ITGBL1: variants seen among roughly 807,000 people sequenced by gnomAD.
ITGBL1 encodes integrin beta-like protein 1.
Under a neutral mutation model 68.5 loss-of-function variants are expected in ITGBL1, and 51 were observed. The observed-to-expected ratio is 0.74, with a 90% CI of 0.59 to 0.94. The LOEUF is 0.94. Ranked by LOEUF, ITGBL1 falls within the 40% of genes least tolerant of loss-of-function variation. The probability of loss-of-function intolerance (pLI) is 0.00; values close to 1 mark genes in which losing one functional copy is unlikely to be tolerated. For missense variants in ITGBL1, 649 were observed against 647.4 expected, an observed-to-expected ratio of 1.00 and a Z score of -0.03; for synonymous variants, 209 against 227.3, an observed-to-expected ratio of 0.92 and a Z score of 0.72.
intron 7 of ITGBL1, among the ~76,000 whole-genome samples, chr13:101,678,581 C>A (rs1219124207): frequency 6.6e-6 from 1 of 150,588 alleles, no homozygotes. Flanking sequence ...CTCACTGCAA[C>A]CTCTGCCTCC....
intron 7 of ITGBL1, among the ~76,000 whole-genome samples, chr13:101,684,103 G>A (rs1310629109): frequency 6.6e-6 from 1 of 151,822 alleles, no homozygotes; most frequent in African/African-American, 2.4e-5. Flanking sequence ...ACTTACTCCA[G>A]CACCATTTAT....
intron 4 of ITGBL1, among the ~76,000 whole-genome samples, chr13:101,576,074 G>A (rs779341605): frequency 5.3e-5 from 8 of 152,102 alleles, no homozygotes; most frequent in Non-Finnish European, 1.2e-4. Flanking sequence ...AGCAGTTCTT[G>A]CATGTTTGCT....
rs78238191 is a variant in ITGBL1, at chr13:101,523,947, G to A, written c.317-43752G>A. 9.2e-3 allele frequency among the ~76,000 whole-genome samples: 1,403 copies of A among 152,182 alleles called. 9 individuals carry two copies. Among genetic ancestry groups the A allele is most frequent in the Middle Eastern group, 0.037 (11 of 294 alleles). ...CTTCACTCACTGCTCCTCAGACCAC[G>A]TCTGTTTTTGTAGAGGCAAAATGAG... is the stretch of plus-strand genomic sequence containing the variant. On this transcript the variant is annotated intron_variant, in intron 2 of 10. Coordinates refer to ENST00000376180, the MANE Select transcript of ITGBL1 (RefSeq NM_004791.3).
At chr13:101,633,684 C>T (rs541936727) in intron 7 of ITGBL1, among the ~76,000 whole-genome samples, 29 of 152,186 alleles carry the variant, frequency 1.9e-4, no homozygotes, top group Non-Finnish European at 3.5e-4. Context: ...AAGAAAAATA[C>T]GTGAAGAGTT....
At chr13:101,619,208 T>C (rs1208695185) in intron 7 of ITGBL1, among the ~76,000 whole-genome samples, 2 of 152,028 alleles carry the variant, frequency 1.3e-5, no homozygotes, top group African/African-American at 2.4e-5. Flanking sequence ...TTGTGGTAGG[T>C]AGAATACTGC....
At chr13:101,601,629 T>A (rs190495560) in intron 7 of ITGBL1, among the ~76,000 whole-genome samples, 10 of 152,328 alleles carry the variant, frequency 6.6e-5, no homozygotes, top group African/African-American at 9.6e-5. Flanking sequence ...GATTCTGGTA[T>A]GTTGTGTCTT....
At chr13:101,507,173 T>C (rs16958977) in intron 2 of ITGBL1, among the ~76,000 whole-genome samples, 2,220 of 152,262 alleles carry the variant, frequency 0.015, 61 homozygotes, top group African/African-American at 0.05. Flanking sequence ...TTCAGGAAGA[T>C]AGTGGTTCCT....
In ITGBL1 at chr13:101,703,175, A is replaced by T. The variant is rs563965881; in HGVS notation, c.1133-3581A>T. 1.4e-3 allele frequency among the ~76,000 whole-genome samples: 67 copies of T among 46,856 alleles called. No homozygotes were observed. The East Asian group carries it at 0.024, about 17-fold the overall frequency. The allele number at this position is 46,856 out of a possible 152,430, so 30.7% of individuals were successfully genotyped here. A position where few individuals can be genotyped will look rare whatever the true frequency, so the allele number is the denominator to read the frequency against. On this transcript the variant is annotated intron_variant, in intron 8 of 10. Transcript: ENST00000376180. ...AAGTCAAAAAAGTTCCACAGGAGGT[A>T]AAAAAAAAAAAATAAGGTATTACAG...
chr13:101,589,546 A>C (rs1015553962), intron 6 of ITGBL1, among the ~76,000 whole-genome samples: 3 of 152,202 alleles, frequency 2.0e-5, no homozygotes, highest in African/African-American at 4.8e-5. Context: ...CATAGAAGAC[A>C]TATCAGTGGA....
At chr13:101,627,556 C>T (rs2031828844) in intron 7 of ITGBL1, among the ~76,000 whole-genome samples, 1 of 152,056 alleles carries the variant, frequency 6.6e-6, no homozygotes, top group Non-Finnish European at 1.5e-5. Context: ...CACGTACCCA[C>T]CATGACAGTA....
At position 101,609,094 on chromosome 13, in the gene ITGBL1, G is replaced by T. The variant is rs543276433; in HGVS notation, c.1015+10795G>T. ...GTATATGCTCTATTACCATGCAATA[G>T]CCCATAATAGTAATATTATATGTAG... On this transcript the variant is annotated intron_variant, in intron 7 of 10. Transcript: ENST00000376180. Among the ~76,000 whole-genome samples, 31 of 152,088 alleles carry T rather than the reference G, an allele frequency of 2.0e-4. No homozygotes were observed. The South Asian group carries it at 2.9e-3, about 14-fold the overall frequency.
chr13:101,512,799 T>C (rs2139114675), intron 2 of ITGBL1, among the ~76,000 whole-genome samples: 1 of 152,300 alleles, frequency 6.6e-6, no homozygotes, highest in South Asian at 2.1e-4. Flanking sequence ...CCCCAGGTCC[T>C]GCATCTGTGC....
At chr13:101,535,429 C>T (rs138276513) in intron 2 of ITGBL1, among the ~76,000 whole-genome samples, 95 of 152,176 alleles carry the variant, frequency 6.2e-4, no homozygotes, top group Non-Finnish European at 1.2e-3. Flanking sequence ...TGTTAGCTGG[C>T]AGAGACATCC....
chr13:101,482,147 T>G (rs2048634627), intron 2 of ITGBL1, among the ~76,000 whole-genome samples: 1 of 152,202 alleles, frequency 6.6e-6, no homozygotes, highest in East Asian at 1.9e-4. Context: ...GCGACACATT[T>G]TCTTTAAAAT....
downstream of ITGBL1, chr13:101,719,525 A>AATTT (rs1555368922): frequency 2.0e-5 from 3 of 152,130 alleles, no homozygotes; most frequent in Non-Finnish European, 4.4e-5. Context: ...TGTCTTCTCT[A>AATTT]ATTTTTCCAA....
intron 7 of ITGBL1, among the ~76,000 whole-genome samples, chr13:101,682,942 A>C (rs973119855): frequency 6.6e-6 from 1 of 152,066 alleles, no homozygotes; most frequent in African/African-American, 2.4e-5. Flanking sequence ...TTAAACTTTT[A>C]CATTTGAATG....
intron 7 of ITGBL1, among the ~76,000 whole-genome samples, chr13:101,613,729 C>A (rs1217838519): frequency 2.0e-5 from 3 of 152,080 alleles, no homozygotes; most frequent in African/African-American, 7.2e-5. Flanking sequence ...ACTTGGAGAG[C>A]TTGCAGAAGT....
intron 2 of ITGBL1, among the ~76,000 whole-genome samples, chr13:101,558,493 G>A (rs957925570): frequency 1.3e-5 from 2 of 152,142 alleles, no homozygotes; most frequent in Admixed American, 6.5e-5. Context: ...GACAAATAGA[G>A]TCTTAGAACT....
At chr13:101,552,616 C>T (rs1372449883) in intron 2 of ITGBL1, among the ~76,000 whole-genome samples, 1 of 152,062 alleles carries the variant, frequency 6.6e-6, no homozygotes, top group Non-Finnish European at 1.5e-5. Context: ...TTATTAACTA[C>T]CCACTTTACA....
Sources: allele counts gnomAD v4.1 joint callset (sites outside exome capture counted in the v4.1 genomes callset), GRCh38; gene constraint gnomAD v4.1.1; transcripts MANE v1.5; gene names NCBI Gene and HGNC (gene_info 2026-07-23, HGNC 2026-07-21).